AGMO: variants seen among roughly 807,000 people sequenced by gnomAD.
AGMO encodes alkylglycerol monooxygenase, also known as glyceryl-ether monooxygenase.
A neutral mutation model predicts 60.2 loss-of-function variants in AGMO; 75 were observed. That is an observed-to-expected ratio of 1.25 (90% confidence interval 1.03 to 1.51). The LOEUF is 1.51. AGMO is among the 40% of genes most tolerant of loss of function. AGMO has a pLI of 0.00. For synonymous variants in AGMO, 261 were observed against 177.1 expected (o/e 1.47, Z -3.76); for missense variants, 763 against 525.5 (o/e 1.45, Z -4.42).
chr7:15,203,252 C>G (rs1781352087), intron 12 of AGMO, among the ~76,000 whole-genome samples: 1 of 152,070 alleles, frequency 6.6e-6, no homozygotes, highest in African/African-American at 2.4e-5. Flanking sequence ...ACTTCCAGTA[C>G]TATTAAAAAT....
At chr7:15,248,927 A>G (rs1378799271) in intron 12 of AGMO, among the ~76,000 whole-genome samples, 3 of 152,182 alleles carry the variant, frequency 2.0e-5, no homozygotes, top group Non-Finnish European at 2.9e-5. Flanking sequence ...GTAAGACTCT[A>G]AGTTCTTTCT....
In AGMO at chr7:15,526,753, T is replaced by C. The variant is rs117388149; in HGVS notation, c.409+18019A>G. Among the ~76,000 whole-genome samples the C allele has an allele frequency of 2.2e-4, 33 of 152,332 alleles. No individual in the cohort carries two copies. The East Asian group carries it at 5.8e-3, about 27-fold the overall frequency. On this transcript the variant is annotated intron_variant, in intron 3 of 12. Coordinates refer to ENST00000342526, the MANE Select transcript of AGMO (RefSeq NM_001004320.2). ...TTGCAGATATTGCATTTTTTGCAAATTGAAGGTTTGTGGCAACCTTGTGTC... is the reference window on the plus strand; with the variant it reads ...TTGCAGATATTGCATTTTTTGCAAACTGAAGGTTTGTGGCAACCTTGTGTC...
chr7:15,240,451 T>G (rs574397502), intron 12 of AGMO, among the ~76,000 whole-genome samples: 1 of 152,164 alleles, frequency 6.6e-6, no homozygotes, highest in Non-Finnish European at 1.5e-5. Flanking sequence ...TCAGTCATTT[T>G]GTTCTAAAAA....
intron 12 of AGMO, among the ~76,000 whole-genome samples, chr7:15,352,440 GAAGT>G (rs1490253817): frequency 6.7e-6 from 1 of 149,906 alleles, no homozygotes; most frequent in Non-Finnish European, 1.5e-5. Context: ...ATTGATTCCA[GAAGT>G]ATGTTTTTTT....
At chr7:15,342,779 CAAA>C (rs780336320) in intron 12 of AGMO, among the ~76,000 whole-genome samples, 868 of 61,612 alleles carry the variant, frequency 0.014, 13 homozygotes, top group African/African-American at 0.037. Context: ...AGTATAGCTG[CAAA>C]AAAAAAAAAA....
At chr7:15,342,779 CAA>C (rs780336320) in intron 12 of AGMO, among the ~76,000 whole-genome samples, 6,244 of 61,242 alleles carry the variant, frequency 0.1, 127 homozygotes, top group Admixed American at 0.12. Flanking sequence ...AGTATAGCTG[CAA>C]AAAAAAAAAA....
At chr7:15,363,074 A>G (rs1012437752) in intron 12 of AGMO, among the ~76,000 whole-genome samples, 1 of 152,206 alleles carries the variant, frequency 6.6e-6, no homozygotes, top group Non-Finnish European at 1.5e-5. Flanking sequence ...ATGGAATAAT[A>G]CTAGTAAGGC....
intron 3 of AGMO, among the ~76,000 whole-genome samples, chr7:15,438,771 C>T (rs1481088248): frequency 6.6e-6 from 1 of 152,192 alleles, no homozygotes; most frequent in Non-Finnish European, 1.5e-5. Flanking sequence ...CTGACCCATA[C>T]TGAACCAGGC....
rs1393051775 is a variant in AGMO, at chr7:15,384,793, TC to T, written c.1074+652del. Reference sequence around the variant, plus strand: ...ATTTTTAATGAAGAATACAAATAAATCTATAAAAAATACCTGTTTTTCTCTT... The same window carrying T: ...ATTTTTAATGAAGAATACAAATAAATTATAAAAAATACCTGTTTTTCTCTT... On this transcript the variant is annotated intron_variant, in intron 10 of 12. Transcript: ENST00000342526. 1.1e-4 allele frequency among the ~76,000 whole-genome samples: 17 copies of T among 149,788 alleles called. No homozygotes were observed. The Admixed American group carries it at 1.1e-3, about 10-fold the overall frequency.
At position 15,270,596 on chromosome 7, in the gene AGMO, A is replaced by ATTTTTTTTTTTTTTTTTTTTTTTTT. The variant is rs527463907; in HGVS notation, c.1264-69262_1264-69238dup. ...ATTAAACAAATTTAATCTGTTGATA[A>ATTTTTTTTTTTTTTTTTTTTTTTTT]TTTTTTTTTTTTTTTTTTTTTTTTT... is the stretch of plus-strand genomic sequence containing the variant. On this transcript the variant is annotated intron_variant, in intron 12 of 12. Transcript: ENST00000342526. 7.9e-4 allele frequency among the ~76,000 whole-genome samples: 38 copies of ATTTTTTTTTTTTTTTTTTTTTTTTT among 48,070 alleles called. 3 individuals carry two copies. The highest frequency in any genetic ancestry group is 2.4e-3 in the South Asian group (2 of 846). The allele number at this position is 48,070 out of a possible 152,430, so 31.5% of individuals were successfully genotyped here. A position where few individuals can be genotyped will look rare whatever the true frequency, so the allele number is the denominator to read the frequency against.
intron 5 of AGMO, among the ~76,000 whole-genome samples, chr7:15,400,147 C>A (rs891573637): frequency 3.3e-5 from 5 of 152,140 alleles, no homozygotes; most frequent in African/African-American, 1.2e-4. Context: ...TCTCTCAGGT[C>A]ACATACAACA....
Position 15,560,186 on chromosome 7 carries a change from T to A in AGMO, c.212A>T (p.Asp71Val), listed in dbSNP as rs369277072. ...LKGKPPGRLD[D>V]ALTSISAGVL... Reference sequence around the variant, plus strand: ...ACCAGCTGAGATTGACGTTAAAGCATCATCCAGGCGACCTGGTGGCTTTCC... The same window carrying A: ...ACCAGCTGAGATTGACGTTAAAGCAACATCCAGGCGACCTGGTGGCTTTCC... The change falls in exon 2 of 13, where the codon GAT becomes GTT. Residue 71 changes from aspartate (D) to valine (V), a missense_variant. Transcript: ENST00000342526. The A allele has an allele frequency of 2.5e-6, 4 of 1,613,086 alleles. No individual in the cohort carries two copies. Among genetic ancestry groups the A allele is most frequent in the Non-Finnish European group, 8.5e-7 (1 of 1,179,346 alleles).
At chr7:15,409,497 T>G (rs1383144310) in intron 5 of AGMO, among the ~76,000 whole-genome samples, 3 of 151,942 alleles carry the variant, frequency 2.0e-5, no homozygotes, top group Non-Finnish European at 2.9e-5. Context: ...GAATGGGGTT[T>G]GATCACAGAG....
chr7:15,144,445 T>C, the AGMO span, among the ~76,000 whole-genome samples: 1 of 152,188 alleles, frequency 6.6e-6, no homozygotes, highest in Non-Finnish European at 1.5e-5. Context: ...TTTGTTTACC[T>C]GTTACCCAGA....
At chr7:15,252,547 C>T (rs2128506880) in intron 12 of AGMO, among the ~76,000 whole-genome samples, 1 of 152,308 alleles carries the variant, frequency 6.6e-6, no homozygotes, top group Non-Finnish European at 1.5e-5. Flanking sequence ...AACAGAGGCT[C>T]TCACTCTAAT....
chr7:15,394,302 G>T, intron 5 of AGMO, 123 bp from the exon 6 acceptor site: 1 of 749,556 alleles, frequency 1.3e-6, no homozygotes, highest in Admixed American at 2.6e-5. Flanking sequence ...GTTGGTATCA[G>T]AGAGTGGAAA....
chr7:15,220,154 C>T lies in AGMO; in HGVS notation c.1264-18795G>A, dbSNP rs527780763. Among the ~76,000 whole-genome samples the T allele has an allele frequency of 2.7e-5, 4 of 148,686 alleles. No individual in the cohort carries two copies. In the South Asian group the frequency reaches 6.6e-4, roughly 24 times the overall value. ...TTGCCTTATTTCTTTTATTGCATTA[C>T]ATACTGACTGCTATAATGGCAACTG... On this transcript the variant is annotated intron_variant, in intron 12 of 12. Transcript: ENST00000342526.
chr7:15,361,198 C>T (rs562631811), intron 12 of AGMO, among the ~76,000 whole-genome samples: 2 of 151,650 alleles, frequency 1.3e-5, no homozygotes, highest in Admixed American at 1.3e-4. Flanking sequence ...ACTGTGACAA[C>T]TCTAGGGTCA....
chr7:15,378,399 G>C (rs1452678387), intron 10 of AGMO, among the ~76,000 whole-genome samples: 1 of 151,940 alleles, frequency 6.6e-6, no homozygotes. Flanking sequence ...TGTCTGTTTT[G>C]TCAGAAACTT....
Sources: allele counts gnomAD v4.1 joint callset (sites outside exome capture counted in the v4.1 genomes callset), GRCh38; gene constraint gnomAD v4.1.1; transcripts MANE v1.5; gene names NCBI Gene and HGNC (gene_info 2026-07-23, HGNC 2026-07-21).